The following GUF1 variants were observed in gnomAD, a reference collection of about 807,000 sequenced individuals.
GUF1 encodes translation factor GUF1, mitochondrial.
A neutral mutation model predicts 82.4 loss-of-function variants in GUF1; 78 were observed. The ratio of observed to expected loss-of-function variants is 0.95; its 90% CI spans 0.79 to 1.14. The LOEUF is 1.14. Among genes scored for constraint, GUF1 ranks in the 50% most tolerant of loss-of-function variants. GUF1 has a pLI of 0.00. For synonymous variants in GUF1, 279 were observed against 282.3 expected (o/e 0.99, Z 0.12); for missense variants, 814 against 798.2 (o/e 1.02, Z -0.24).
chr4:44,686,324 CATAA>C (rs1399901385), intron 7 of GUF1, among the ~76,000 whole-genome samples, 182 bp from the exon 8 acceptor site: 3 of 151,874 alleles, frequency 2.0e-5, no homozygotes, highest in Non-Finnish European at 4.4e-5. Flanking sequence ...CAAATATATT[CATAA>C]ATAATTTGTT....
chr4:44,678,980 C>T (rs1403661918), intron 1 of GUF1, among the ~76,000 whole-genome samples, 193 bp downstream of exon 1: 1 of 152,194 alleles, frequency 6.6e-6, no homozygotes, highest in Non-Finnish European at 1.5e-5. Context: ...TGACCTTGGG[C>T]AAGTCACTAA....
intron 10 of GUF1, 86 bp downstream of exon 10, chr4:44,689,495 T>A (rs1715286161): frequency 3.0e-6 from 4 of 1,354,684 alleles, no homozygotes; most frequent in Non-Finnish European, 3.9e-6. Context: ...GGGAGGTTTT[T>A]AAAAAATATC....
chr4:44,696,330 G>A (rs1331606993), intron 15 of GUF1, among the ~76,000 whole-genome samples: 1 of 152,122 alleles, frequency 6.6e-6, no homozygotes, highest in East Asian at 1.9e-4. Context: ...GGGTGTGGTG[G>A]CTCACATTCT....
chr4:44,682,375 C>T lies in GUF1; in HGVS notation c.549C>T (p.Phe183=), dbSNP rs749797704. 6 of 1,536,458 alleles carry T rather than the reference C, an allele frequency of 3.9e-6. No individual in the cohort carries two copies. Among genetic ancestry groups the T allele is most frequent in the Admixed American group, 2.1e-5 (1 of 47,760 alleles). Reference sequence around the variant, plus strand: ...CTGTAGCAAACTTCTTTCTTGCCTTCGAAGCACAGCTATCGGTAATTCCAG... The same window carrying T: ...CTGTAGCAAACTTCTTTCTTGCCTTTGAAGCACAGCTATCGGTAATTCCAG... ...AQTVANFFLA[F]EAQLSVIPVI... is the part of the protein sequence containing the mutation. The change falls in exon 5 of 17, where the codon TTC becomes TTT. Residue 183 remains phenylalanine, a synonymous_variant. Coordinates refer to ENST00000281543, the MANE Select transcript of GUF1 (RefSeq NM_021927.3).
chr4:44,694,575 TTTTG>T (rs1715668056), intron 14 of GUF1, 62 bp downstream of exon 14: 5 of 1,078,944 alleles, frequency 4.6e-6, no homozygotes, highest in African/African-American at 3.2e-5. Context: ...TTTCATTTAT[TTTTG>T]TTTGAGCAGC....
chr4:44,678,544 G>T lies in GUF1; in HGVS notation c.-79G>T. 1.7e-6 allele frequency: 2 copies of T among 1,171,634 alleles called. No individual in the cohort carries two copies. The highest frequency in any genetic ancestry group is 4.0e-5 in the Admixed American group (1 of 25,258). 72.6% of individuals were successfully genotyped at this position (1,171,634 alleles called of 1,614,324 possible). A position where few individuals can be genotyped will look rare whatever the true frequency, so the allele number is the denominator to read the frequency against. On this transcript the variant is annotated 5_prime_UTR_variant, in exon 1 of 17. Transcript: ENST00000281543. ...TGAGTCCTGTCCACCGGATCCTACG[G>T]GGGGTACCTTCGAAAAAAAACGGGC...
chr4:44,698,489 T>C (rs920365021), intron 16 of GUF1, 55 bp from the exon 17 acceptor site: 1 of 1,386,434 alleles, frequency 7.2e-7, no homozygotes, highest in East Asian at 2.3e-5. Context: ...TGTAATCATA[T>C]GATTGTTTCT....
intron 4 of GUF1, 21 bp downstream of exon 4, chr4:44,681,224 A>G (rs369136288): frequency 3.2e-5 from 47 of 1,491,524 alleles, no homozygotes; most frequent in East Asian, 6.8e-5. Context: ...TTCATTTTGT[A>G]TGATGTGATA....
At chr4:44,696,123 A>C (rs1312974997) in intron 15 of GUF1, among the ~76,000 whole-genome samples, 1 of 151,858 alleles carries the variant, frequency 6.6e-6, no homozygotes, top group Non-Finnish European at 1.5e-5. Context: ...ATTTTTTTTT[A>C]ACCCAAAGCA....
At chr4:44,698,513 T>TA (rs777287834) in intron 16 of GUF1, 31 bp from the exon 17 acceptor site, 131 of 1,549,508 alleles carry the variant, frequency 8.5e-5, no homozygotes, top group Non-Finnish European at 7.6e-5. Context: ...TAGAGTGACT[T>TA]AGACTTCCAA....
rs1716025147 is a variant in GUF1, at chr4:44,698,819, G to A, written c.*138G>A. ...GTCTTTCGTTGAAAGGGAGTAGTTA[G>A]TGGGTAGGCAAGAGCTTAGATTTTG... is the stretch of plus-strand genomic sequence containing the variant. On this transcript the variant is annotated 3_prime_UTR_variant, in exon 17 of 17. Coordinates refer to ENST00000281543, the MANE Select transcript of GUF1 (RefSeq NM_021927.3). 1.4e-6 allele frequency: 1 copy of A among 707,000 alleles called. No individual in the cohort carries two copies. The highest frequency in any genetic ancestry group is 2.3e-6 in the Non-Finnish European group (1 of 434,874). 43.8% of individuals were successfully genotyped at this position (707,000 alleles called of 1,614,324 possible).
At position 44,686,682 on chromosome 4, in the gene GUF1, T is replaced by C. The variant is rs1241955999; in HGVS notation, c.907T>C (p.Leu303=). ...KTYEVNEVGV[L]NPNEQPTHKL... ...ATACGAAGTTAATGAAGTAGGAGTC[T>C]TGAATCCTAATGAGCAGCCAACTCA... The change falls in exon 8 of 17, where the codon TTG becomes CTG. Residue 303 remains leucine (L), a synonymous_variant. Transcript: ENST00000281543. 1 of 1,609,996 alleles carries C rather than the reference T, an allele frequency of 6.2e-7. No individual in the cohort carries two copies. The highest frequency in any genetic ancestry group is 8.5e-7 in the Non-Finnish European group (1 of 1,176,740).
intron 10 of GUF1, 54 bp from the exon 11 acceptor site, chr4:44,689,789 A>AT (rs1715308132): frequency 6.9e-7 from 1 of 1,451,360 alleles, no homozygotes; most frequent in African/African-American, 1.4e-5. Flanking sequence ...AAAAAAAAAA[A>AT]AAATGAAGCC....
intron 5 of GUF1, 84 bp downstream of exon 5, chr4:44,682,495 T>C (rs1714827478): frequency 3.2e-6 from 2 of 632,592 alleles, no homozygotes; most frequent in African/African-American, 3.8e-5. Flanking sequence ...CTATTCATTA[T>C]ATGAGGGATC....
chr4:44,680,980 T>G, intron 3 of GUF1, 138 bp downstream of exon 3: 1 of 1,061,998 alleles, frequency 9.4e-7, no homozygotes. Context: ...CTTATGTTAG[T>G]GTCAGTTGTT....
At position 44,700,343 on chromosome 4, in the gene GUF1, T is replaced by C. The variant is rs1486195211; in HGVS notation, c.*1662T>C. On this transcript the variant is annotated 3_prime_UTR_variant, in exon 17 of 17. Transcript: ENST00000281543. ...AATGCATAAATGATTGCTTTCTCTG[T>C]TTCATGTTTCACTAAGCCAGATTAA... 1 of 152,176 alleles carries C rather than the reference T, an allele frequency of 6.6e-6. No homozygotes were observed. The highest frequency in any genetic ancestry group is 1.5e-5 in the Non-Finnish European group (1 of 68,040). 9.4% of individuals were successfully genotyped at this position (152,176 alleles called of 1,614,324 possible).
chr4:44,691,956 A>T lies in GUF1; in HGVS notation c.1613+157A>T, dbSNP rs578247670. Among the ~76,000 whole-genome samples, 4 of 151,992 alleles carry T rather than the reference A, an allele frequency of 2.6e-5. No homozygotes were observed. The East Asian group carries it at 5.8e-4, about 22-fold the overall frequency. On this transcript the variant is annotated intron_variant, in intron 13 of 16. Coordinates refer to ENST00000281543, the MANE Select transcript of GUF1 (RefSeq NM_021927.3). ...TTAGAATGACTTGGAACAACTTTAT[A>T]GGTGTTACAGACTACTTGTGATTTG... is the stretch of plus-strand genomic sequence containing the variant.
chr4:44,685,986 G>T lies in GUF1; in HGVS notation c.697G>T (p.Glu233Ter). The change falls in exon 7 of 17, where the codon GAG (glutamate) becomes TAG (stop). Residue 233 changes from glutamate (E) to a stop codon, truncating the protein, a stop_gained. Coordinates refer to ENST00000281543, the MANE Select transcript of GUF1 (RefSeq NM_021927.3). LOFTEE classifies it high-confidence loss of function. Reference sequence around the variant, plus strand: ...TTCTGCTAAACTTGGAACAAATGTTGAGAGTGTTCTTCAGGCAATTATTGA... The same window carrying T: ...TTCTGCTAAACTTGGAACAAATGTTTAGAGTGTTCTTCAGGCAATTATTGA... The part of the protein sequence containing the change: ...KISAKLGTNV[E>*]SVLQAIIERI... The T allele has an allele frequency of 2.5e-6, 4 of 1,606,532 alleles. No homozygotes were observed. Among genetic ancestry groups the T allele is most frequent in the Middle Eastern group, 1.7e-4 (1 of 6,030 alleles).
rs374573876 is a variant in GUF1 at position 44,694,501 on chromosome 4, C to T, written c.1703C>T (p.Thr568Ile). 2.2e-5 allele frequency: 35 copies of T among 1,557,240 alleles called. No homozygotes were observed. In the African/African-American group the frequency reaches 4.7e-4, roughly 21 times the overall value. The change falls in exon 14 of 17, where the codon ACT (threonine) becomes ATT (isoleucine). Residue 568 changes from threonine (T) to isoleucine (I), a missense_variant. Transcript: ENST00000281543. ...GGAAATACTGTAGAGGAGCTAGTAACTGTTGTACACAAGTAAGTTCAATAG... is the reference window on the plus strand; with the variant it reads ...GGAAATACTGTAGAGGAGCTAGTAATTGTTGTACACAAGTAAGTTCAATAG... ...LNGNTVEELV[T>I]VVHKDKAHSI...
Sources: gnomAD v4.1 joint callset for allele counts (sites outside exome capture counted in the v4.1 genomes callset) on GRCh38, gnomAD v4.1.1 for gene constraint, MANE v1.5 for transcripts, NCBI Gene and HGNC (gene_info 2026-07-23, HGNC 2026-07-21) for gene names.